The following LINGO2 variants were observed in gnomAD, a reference collection of about 807,000 sequenced individuals.
The protein encoded by LINGO2 is leucine rich repeat and Ig domain containing 2, also known as leucine-rich repeat and immunoglobulin-like domain-containing nogo receptor-interacting protein 2.
LINGO2 carries 14 observed loss-of-function variants against 30.6 expected under a neutral mutation model. That is an observed-to-expected ratio of 0.46 (90% CI 0.30 to 0.72). The LOEUF (loss-of-function observed/expected upper bound fraction) is 0.72. LINGO2 is among the 30% of genes least tolerant of loss of function. The pLI, the probability that LINGO2 is intolerant of heterozygous loss-of-function variation, is 0.07. For synonymous variants in LINGO2, 317 were observed against 288.5 expected (o/e 1.10, Z -1.00); for missense variants, 729 against 751.7 (o/e 0.97, Z 0.35).
At chr9:28,518,617 T>C (rs1820717178) in intron 1 of LINGO2, among the ~76,000 whole-genome samples, 1 of 152,210 alleles carries the variant, frequency 6.6e-6, no homozygotes, top group South Asian at 2.1e-4. Context: ...GCTGAGAGAA[T>C]TCTGCACAGA....
chr9:28,111,667 T>C (rs897613031), intron 4 of LINGO2, among the ~76,000 whole-genome samples: 1 of 152,056 alleles, frequency 6.6e-6, no homozygotes, highest in Non-Finnish European at 1.5e-5. Flanking sequence ...AAAGGGGAGA[T>C]TGGAAAAAGA....
the LINGO2 span, among the ~76,000 whole-genome samples, chr9:28,697,410 T>C: frequency 6.6e-6 from 1 of 152,006 alleles, no homozygotes; most frequent in Admixed American, 6.6e-5. Context: ...AAACCGACTA[T>C]ATATTTTTTA....
At chr9:28,529,690 A>C (rs1275998419) in intron 1 of LINGO2, among the ~76,000 whole-genome samples, 4 of 151,552 alleles carry the variant, frequency 2.6e-5, no homozygotes, top group Non-Finnish European at 5.9e-5. Flanking sequence ...TCTGCCTTTA[A>C]AAAGGTGGAT....
At chr9:28,685,250 T>G in the LINGO2 span, among the ~76,000 whole-genome samples, 1 of 152,222 alleles carries the variant, frequency 6.6e-6, no homozygotes, top group Non-Finnish European at 1.5e-5. Flanking sequence ...TTAGGTTTAT[T>G]ACATGTCTTT....
the LINGO2 span, among the ~76,000 whole-genome samples, chr9:28,797,532 G>C: frequency 6.6e-6 from 1 of 151,670 alleles, no homozygotes; most frequent in African/African-American, 2.4e-5. Flanking sequence ...CCAAAAAGAA[G>C]AGAAATTAAC....
At chr9:29,210,954 T>G in the LINGO2 span, among the ~76,000 whole-genome samples, 3 of 152,188 alleles carry the variant, frequency 2.0e-5, no homozygotes, top group African/African-American at 7.2e-5. Context: ...CTCCTTCTTT[T>G]AAAATGTTAA....
rs148982354 is a variant in LINGO2 at position 28,359,942 on chromosome 9, C to G, written c.-246+12894G>C. 4.5e-3 allele frequency among the ~76,000 whole-genome samples: 681 copies of G among 152,244 alleles called. 7 individuals carry two copies. Among genetic ancestry groups the G allele is most frequent in the Admixed American group, 8.6e-3 (131 of 15,280 alleles). On this transcript the variant is annotated intron_variant, in intron 3 of 5. Transcript: ENST00000379992. ...GCTGCAAGTAAATGACTGTAGAGAT[C>G]TGGGTGTGAATTCTGCTTCTAGCCC...
the LINGO2 span, among the ~76,000 whole-genome samples, chr9:29,058,567 A>T: frequency 6.6e-6 from 1 of 151,986 alleles, no homozygotes; most frequent in Non-Finnish European, 1.5e-5. Flanking sequence ...AAAATTTTTC[A>T]AATTTGGAGA....
At chr9:28,309,279 G>A (rs1208922396) in intron 3 of LINGO2, among the ~76,000 whole-genome samples, 1 of 152,138 alleles carries the variant, frequency 6.6e-6, no homozygotes, top group East Asian at 1.9e-4. Flanking sequence ...CATGTCCTTT[G>A]TAGGGACATG....
intron 1 of LINGO2, among the ~76,000 whole-genome samples, chr9:28,520,185 A>G (rs1033033376): frequency 6.6e-6 from 1 of 152,108 alleles, no homozygotes; most frequent in African/African-American, 2.4e-5. Flanking sequence ...TACATTAGCT[A>G]CAATCTTCAG....
At chr9:28,289,896 C>A (rs931911085) in intron 4 of LINGO2, among the ~76,000 whole-genome samples, 1 of 152,126 alleles carries the variant, frequency 6.6e-6, no homozygotes, top group South Asian at 2.1e-4. Context: ...TTCAGGAATG[C>A]CAGAAAATTG....
the LINGO2 span, among the ~76,000 whole-genome samples, chr9:28,971,724 T>C: frequency 6.6e-6 from 1 of 152,244 alleles, no homozygotes; most frequent in African/African-American, 2.4e-5. Flanking sequence ...CGGAACTTGG[T>C]GCCCTGAATG....
At position 28,189,671 on chromosome 9, in the gene LINGO2, G is replaced by A. The variant is rs1245462697; in HGVS notation, c.-87+105537C>T. 2.1e-3 allele frequency among the ~76,000 whole-genome samples: 186 copies of A among 88,398 alleles called. 21 individuals are homozygous for A. Among genetic ancestry groups the A allele is most frequent in the African/African-American group, 6.1e-3 (140 of 22,770 alleles). 58.0% of individuals were successfully genotyped at this position (88,398 alleles called of 152,430 possible). ...AGGGAGGAAGGAAGGAAGGAAGGGA[G>A]GAAGGAAGGAAGGGAGGAAGGAAGG... On this transcript the variant is annotated intron_variant, in intron 4 of 5. Coordinates refer to ENST00000379992, the Ensembl canonical transcript of LINGO2.
the LINGO2 span, chr9:27,939,041 A>G: frequency 6.6e-6 from 1 of 152,202 alleles, no homozygotes; most frequent in African/African-American, 2.4e-5. Flanking sequence ...GACATTTAAA[A>G]TGATTTTCAA....
chr9:28,314,097 G>A (rs1383863870), intron 3 of LINGO2, among the ~76,000 whole-genome samples: 1 of 152,102 alleles, frequency 6.6e-6, no homozygotes, highest in Non-Finnish European at 1.5e-5. Flanking sequence ...ACCTCGCCCG[G>A]CTAATTTTTT....
At chr9:28,347,787 G>C (rs1819649999) in intron 3 of LINGO2, among the ~76,000 whole-genome samples, 1 of 152,168 alleles carries the variant, frequency 6.6e-6, no homozygotes, top group African/African-American at 2.4e-5. Flanking sequence ...ATCCAAGGTT[G>C]AGAACCACTT....
Position 28,337,149 on chromosome 9 carries a change from AT to A in LINGO2, c.-246+35686del, listed in dbSNP as rs887000290. Among the ~76,000 whole-genome samples, 16 of 150,578 alleles carry A rather than the reference AT, an allele frequency of 1.1e-4. No homozygotes were observed. In the East Asian group the frequency reaches 2.7e-3, roughly 26 times the overall value. On this transcript the variant is annotated intron_variant, in intron 3 of 5. Transcript: ENST00000379992. The stretch of plus-strand genomic sequence containing the variant: ...GAAATTCCTGAAAGCACAGTGTTAT[AT>A]TTTATAGAATAATAGTAGAATTATG...
intron 3 of LINGO2, among the ~76,000 whole-genome samples, chr9:28,366,687 A>G (rs1229965499): frequency 1.3e-5 from 2 of 151,932 alleles, no homozygotes; most frequent in Non-Finnish European, 2.9e-5. Flanking sequence ...AAAAAAAAAA[A>G]GAGTTACTTT....
intron 1 of LINGO2, among the ~76,000 whole-genome samples, chr9:28,501,175 T>C (rs1001109143): frequency 3.3e-5 from 5 of 152,182 alleles, no homozygotes; most frequent in African/African-American, 9.6e-5. Flanking sequence ...AGTATATTTA[T>C]ATAAAAATGC....
Sources: gnomAD v4.1 joint callset for allele counts (sites outside exome capture counted in the v4.1 genomes callset) on GRCh38, gnomAD v4.1.1 for gene constraint, MANE v1.5 for transcripts, NCBI Gene and HGNC (gene_info 2026-07-23, HGNC 2026-07-21) for gene names.